The following GRIK4 variants were observed in gnomAD, a reference collection of about 807,000 sequenced individuals.
GRIK4 encodes glutamate ionotropic receptor kainate type subunit 4, also known as glutamate receptor ionotropic, kainate 4.
GRIK4 carries 40 observed loss-of-function variants against 104.9 expected under a neutral mutation model. That is an observed-to-expected ratio of 0.38 (90% CI 0.30 to 0.50). The LOEUF (loss-of-function observed/expected upper bound fraction) is 0.50, where lower values mean the gene tolerates loss of function less well. Among genes scored for constraint, GRIK4 ranks in the 20% least tolerant of loss-of-function variants. GRIK4 has a pLI of 0.93. For missense variants in GRIK4, 1,047 were observed against 1,308.1 expected (o/e 0.80, Z 3.08); for synonymous variants, 485 against 524.9 (o/e 0.92, Z 1.04).
chr11:120,618,701 C>T (rs1179644246), intron 1 of GRIK4, among the ~76,000 whole-genome samples: 1 of 152,200 alleles, frequency 6.6e-6, no homozygotes, highest in African/African-American at 2.4e-5. Context: ...CAAAGGGGCC[C>T]AGGTACAGCG....
chr11:120,728,913 C>CACTACCCT (rs1951079749), intron 3 of GRIK4, among the ~76,000 whole-genome samples: 1 of 152,318 alleles, frequency 6.6e-6, no homozygotes, highest in Admixed American at 6.5e-5. Context: ...CCCACTTCCC[C>CACTACCCT]ACTACCCTTC....
chr11:120,844,561 G>A (rs972585164), intron 8 of GRIK4, among the ~76,000 whole-genome samples: 25 of 152,276 alleles, frequency 1.6e-4, no homozygotes, highest in Non-Finnish European at 3.7e-4. Flanking sequence ...GGCCAAGTAA[G>A]ATAAGTCATC....
chr11:120,612,898 AAG>A (rs1373203908), intron 1 of GRIK4, among the ~76,000 whole-genome samples: 1 of 152,220 alleles, frequency 6.6e-6, no homozygotes, highest in Non-Finnish European at 1.5e-5. Flanking sequence ...CACAGGGACA[AAG>A]AGGAGTGAGG....
chr11:120,545,926 G>A (rs978070191), intron 1 of GRIK4, among the ~76,000 whole-genome samples: 4 of 152,200 alleles, frequency 2.6e-5, no homozygotes, highest in Non-Finnish European at 5.9e-5. Context: ...AGCCAAGGGT[G>A]GCACCCAGGC....
intron 13 of GRIK4, among the ~76,000 whole-genome samples, chr11:120,917,269 A>AAAAAAAAAAAAAAAAAAAAAAAAGAAAG (rs1463389337): frequency 1.4e-5 from 2 of 138,296 alleles, no homozygotes; most frequent in African/African-American, 6.1e-5. Flanking sequence ...AAAAAAAAAA[A>AAAAAAAAAAAAAAAAAAAAAAAAGAAAG]AAAGAAAGAA....
intron 2 of GRIK4, 44 bp from the exon 3 acceptor site, chr11:120,660,225 G>A (rs551512575): frequency 5.9e-6 from 5 of 850,048 alleles, no homozygotes; most frequent in Non-Finnish European, 9.8e-6. Context: ...CAGCTGCCTA[G>A]CTGGAGCCTG....
chr11:120,794,627 G>A (rs578208018), intron 3 of GRIK4, among the ~76,000 whole-genome samples: 3 of 152,270 alleles, frequency 2.0e-5, no homozygotes, highest in South Asian at 4.1e-4. Flanking sequence ...GGTGCCATCC[G>A]CACACCAAGG....
chr11:120,749,472 C>T (rs1565330156), intron 3 of GRIK4, among the ~76,000 whole-genome samples: 2 of 152,210 alleles, frequency 1.3e-5, no homozygotes, highest in Admixed American at 1.3e-4. Flanking sequence ...GTCCTTGTGC[C>T]ACCCACTTTT....
At chr11:120,678,669 C>T (rs962324937) in intron 3 of GRIK4, among the ~76,000 whole-genome samples, 6 of 151,532 alleles carry the variant, frequency 4.0e-5, no homozygotes, top group East Asian at 2.0e-4. Context: ...AGTCTTGCTC[C>T]GTCATCCAGG....
At chr11:120,531,355 G>T (rs577344995) in intron 1 of GRIK4, among the ~76,000 whole-genome samples, 1 of 152,104 alleles carries the variant, frequency 6.6e-6, no homozygotes, top group Non-Finnish European at 1.5e-5. Flanking sequence ...CTTTCATGTC[G>T]TCTGCCCCTG....
chr11:120,643,838 A>G (rs1033009279), intron 1 of GRIK4, among the ~76,000 whole-genome samples: 1 of 152,144 alleles, frequency 6.6e-6, no homozygotes, highest in Non-Finnish European at 1.5e-5. Context: ...TGCATCCCTT[A>G]CCCTGGTCTT....
chr11:120,765,887 G>A (rs1951829734), intron 3 of GRIK4, among the ~76,000 whole-genome samples: 1 of 152,204 alleles, frequency 6.6e-6, no homozygotes, highest in East Asian at 1.9e-4. Flanking sequence ...GGTGTCTGTC[G>A]ACCCCTGCTG....
At chr11:120,707,922 T>C (rs559497241) in intron 3 of GRIK4, among the ~76,000 whole-genome samples, 1 of 152,156 alleles carries the variant, frequency 6.6e-6, no homozygotes. Context: ...ACAAGAACCA[T>C]GCAGAAGCTG....
At chr11:120,973,188 T>C (rs1376849659) in intron 19 of GRIK4, among the ~76,000 whole-genome samples, 1 of 152,222 alleles carries the variant, frequency 6.6e-6, no homozygotes. Flanking sequence ...GTTATAATTG[T>C]TGCAGTTGTT....
intron 3 of GRIK4, among the ~76,000 whole-genome samples, chr11:120,697,539 C>T (rs118056960): frequency 0.11 from 16,380 of 152,062 alleles, 943 homozygotes; most frequent in South Asian, 0.15. Context: ...TGCTTGAGCC[C>T]GAAAGACAGA....
chr11:120,875,248 G>A lies in GRIK4; in HGVS notation c.1164+5G>A, dbSNP rs1298059632. ...ACAAGGAATGGTTTTCGGCAGGTAA[G>A]CCTAGCTGCACCGTGGTGATGGCAG... On this transcript the variant is annotated splice_donor_5th_base_variant and intron_variant, in intron 11 of 20. Coordinates refer to ENST00000527524, the MANE Select transcript of GRIK4 (RefSeq NM_014619.5). The A allele has an allele frequency of 6.4e-7, 1 of 1,573,402 alleles. No individual in the cohort carries two copies. Among genetic ancestry groups the A allele is most frequent in the African/African-American group, 1.3e-5 (1 of 74,136 alleles).
chr11:120,728,911 C>A (rs1311988888), intron 3 of GRIK4, among the ~76,000 whole-genome samples: 1 of 152,156 alleles, frequency 6.6e-6, no homozygotes, highest in Non-Finnish European at 1.5e-5. Flanking sequence ...TCCCCACTTC[C>A]CCACTACCCT....
At chr11:120,603,523 C>G (rs1238833664) in intron 1 of GRIK4, among the ~76,000 whole-genome samples, 1 of 152,210 alleles carries the variant, frequency 6.6e-6, no homozygotes, top group African/African-American at 2.4e-5. Context: ...TTTGAAAACT[C>G]TCTCCAGTTT....
chr11:120,707,582 C>A (rs1383245577), intron 3 of GRIK4, among the ~76,000 whole-genome samples: 1 of 152,210 alleles, frequency 6.6e-6, no homozygotes, highest in Non-Finnish European at 1.5e-5. Context: ...TATAACAAAT[C>A]ATCTGAAAAT....
Sources: allele counts gnomAD v4.1 joint callset (sites outside exome capture counted in the v4.1 genomes callset), GRCh38; gene constraint gnomAD v4.1.1; transcripts MANE v1.5; gene names NCBI Gene and HGNC (gene_info 2026-07-23, HGNC 2026-07-21).